EIF4G3: variants seen among roughly 807,000 people sequenced by gnomAD.
EIF4G3 encodes eukaryotic translation initiation factor 4 gamma 3.
In EIF4G3, 34 loss-of-function variants were observed where a neutral mutation model predicts 186.4. That is an observed-to-expected ratio of 0.18 (90% CI 0.14 to 0.24). EIF4G3 has a LOEUF of 0.24. Ranked by LOEUF, EIF4G3 falls within the 10% of genes least tolerant of loss-of-function variation. The pLI is 1.00. For missense variants in EIF4G3, 1,536 were observed against 1,948.5 expected (o/e 0.79, Z 3.99); for synonymous variants, 673 against 679.5 (o/e 0.99, Z 0.15).
intron 14 of EIF4G3, among the ~76,000 whole-genome samples, chr1:20,937,020 A>G (rs2095537913): frequency 6.6e-6 from 1 of 152,230 alleles, no homozygotes; most frequent in Admixed American, 6.5e-5. Context: ...CTGGGGGTGT[A>G]GAAGGGTGTG....
intron 9 of EIF4G3, 32 bp from the exon 10 acceptor site, chr1:20,980,480 T>C: frequency 7.0e-7 from 1 of 1,420,766 alleles, no homozygotes; most frequent in South Asian, 1.3e-5. Context: ...TATTTATAAA[T>C]AATATGGTAT....
intron 2 of EIF4G3, among the ~76,000 whole-genome samples, chr1:21,125,771 T>TACACACACACAC (rs59291288): frequency 6.8e-6 from 1 of 146,168 alleles, no homozygotes; most frequent in African/African-American, 2.5e-5. Flanking sequence ...TATATATATA[T>TACACACACACAC]ACACACACAC....
chr1:20,847,928 G>A (rs1571576711), intron 29 of EIF4G3: 1 of 450,346 alleles, frequency 2.2e-6, no homozygotes, highest in Non-Finnish European at 4.5e-6. Flanking sequence ...TATGTGGAAA[G>A]CAGATGATGA....
In EIF4G3 at chr1:20,864,498, T is replaced by C. The variant is rs749203770; in HGVS notation, c.2984A>G (p.Asp995Gly). The C allele has an allele frequency of 6.2e-7, 1 of 1,614,120 alleles. No individual in the cohort carries two copies. The highest frequency in any genetic ancestry group is 8.5e-7 in the Non-Finnish European group (1 of 1,179,970). Reference protein sequence around the residue: ...LCRLLTTIGKDLDFEKAKPRM... With the variant: ...LCRLLTTIGKGLDFEKAKPRM... ...TACCTTTGCTTTTTCAAAGTCCAAG[T>C]CTTTGCCAATGGTGGTGAGCAGGCG... The change falls in exon 22 of 37, where the codon GAC (aspartate) becomes GGC (glycine). Residue 995 changes from aspartate (D) to glycine (G), a missense_variant. Coordinates refer to ENST00000602326, the MANE Select transcript of EIF4G3 (RefSeq NM_001391906.1).
chr1:21,010,266 A>C (rs2154569765), intron 4 of EIF4G3, among the ~76,000 whole-genome samples: 1 of 152,186 alleles, frequency 6.6e-6, no homozygotes, highest in East Asian at 1.9e-4. Context: ...GCCAATATAC[A>C]AAAATTAGCC....
chr1:20,855,645 G>A (rs1283360645), intron 25 of EIF4G3, among the ~76,000 whole-genome samples: 2 of 152,096 alleles, frequency 1.3e-5, no homozygotes, highest in Admixed American at 6.5e-5. Flanking sequence ...ATAAAATTAC[G>A]CTGTAATGCA....
chr1:20,959,868 A>G (rs1190624187), intron 12 of EIF4G3, among the ~76,000 whole-genome samples: 1 of 152,172 alleles, frequency 6.6e-6, no homozygotes, highest in Admixed American at 6.5e-5. Flanking sequence ...CATTATTAAA[A>G]AGTCAAAAAA....
chr1:20,842,357 T>C (rs2068935251), intron 29 of EIF4G3, among the ~76,000 whole-genome samples: 1 of 152,222 alleles, frequency 6.6e-6, no homozygotes, highest in African/African-American at 2.4e-5. Flanking sequence ...AAGACAATTA[T>C]CATGTAAAAT....
At chr1:20,858,576 T>C (rs1198852244) in intron 24 of EIF4G3, among the ~76,000 whole-genome samples, 1 of 152,210 alleles carries the variant, frequency 6.6e-6, no homozygotes, top group Admixed American at 6.5e-5. Flanking sequence ...ACAAATTTAT[T>C]TGACAAATGA....
intron 24 of EIF4G3, among the ~76,000 whole-genome samples, chr1:20,857,860 AG>A (rs2075399028): frequency 6.6e-6 from 1 of 152,210 alleles, no homozygotes; most frequent in African/African-American, 2.4e-5. Context: ...TTTATTCTAA[AG>A]TATATTGTAT....
chr1:20,860,047 AG>A (rs1384311874), intron 24 of EIF4G3, among the ~76,000 whole-genome samples: 4 of 152,204 alleles, frequency 2.6e-5, no homozygotes, highest in Non-Finnish European at 5.9e-5. Flanking sequence ...GCTTGTCAAA[AG>A]TTTTACCTTA....
At chr1:21,057,652 C>T (rs1466217768) in intron 3 of EIF4G3, among the ~76,000 whole-genome samples, 1 of 151,788 alleles carries the variant, frequency 6.6e-6, no homozygotes, top group Non-Finnish European at 1.5e-5. Context: ...GTTTTATGTA[C>T]TTATATGAAC....
chr1:20,989,081 GGGAGAGGAGA>G (rs1553394546), intron 7 of EIF4G3, among the ~76,000 whole-genome samples: 8 of 36,918 alleles, frequency 2.2e-4, no homozygotes, highest in East Asian at 6.6e-4. Flanking sequence ...GGGAGGGGAG[GGGAGAGGAGA>G]GGAGAGGAGA....
rs71014156 is a variant in EIF4G3, at chr1:21,117,736, T to TAAAAAAAAAAAAAAAAAAAAAAAAA, written c.-271-28548_-271-28524dup. Among the ~76,000 whole-genome samples, 88 of 73,080 alleles carry TAAAAAAAAAAAAAAAAAAAAAAAAA rather than the reference T, an allele frequency of 1.2e-3. 5 individuals are homozygous for TAAAAAAAAAAAAAAAAAAAAAAAAA. Among genetic ancestry groups the TAAAAAAAAAAAAAAAAAAAAAAAAA allele is most frequent in the East Asian group, 2.9e-3 (5 of 1,754 alleles). 47.9% of individuals were successfully genotyped at this position (73,080 alleles called of 152,430 possible). ...GGCCTTTCACTGTCCCAGTATATAG[T>TAAAAAAAAAAAAAAAAAAAAAAAAA]AAAAAAAAAAAAAAAAAAAAAAAAA... On this transcript the variant is annotated intron_variant, in intron 2 of 36. Coordinates refer to ENST00000602326, the MANE Select transcript of EIF4G3 (RefSeq NM_001391906.1).
chr1:20,970,007 A>C (rs1252028969), intron 11 of EIF4G3, among the ~76,000 whole-genome samples: 1 of 151,962 alleles, frequency 6.6e-6, no homozygotes, highest in East Asian at 1.9e-4. Context: ...TCTATCACCC[A>C]GGCTGGAGTG....
chr1:21,000,903 G>A (rs868828879), intron 6 of EIF4G3, among the ~76,000 whole-genome samples: 2 of 152,058 alleles, frequency 1.3e-5, no homozygotes, highest in Admixed American at 6.5e-5. Flanking sequence ...AAGAAGCCTC[G>A]AAATTTATCT....
intron 2 of EIF4G3, among the ~76,000 whole-genome samples, chr1:21,123,598 A>G (rs947276718): frequency 6.6e-6 from 1 of 152,048 alleles, no homozygotes. Context: ...AAAAGTATTA[A>G]TAGATCAGAG....
chr1:21,082,162 T>C (rs933283655), intron 3 of EIF4G3, among the ~76,000 whole-genome samples: 2 of 147,504 alleles, frequency 1.4e-5, no homozygotes, highest in Non-Finnish European at 3.0e-5. Flanking sequence ...CGGACATTAG[T>C]GTAAAAAGCC....
chr1:20,978,630 G>A (rs991956258), intron 10 of EIF4G3, among the ~76,000 whole-genome samples: 2 of 146,244 alleles, frequency 1.4e-5, no homozygotes, highest in South Asian at 2.2e-4. Flanking sequence ...TATCCATGCT[G>A]TACACGCTAC....
Sources: gnomAD v4.1 joint callset for allele counts (sites outside exome capture counted in the v4.1 genomes callset) on GRCh38, gnomAD v4.1.1 for gene constraint, MANE v1.5 for transcripts, NCBI Gene and HGNC (gene_info 2026-07-23, HGNC 2026-07-21) for gene names.